The following USP18 variants were observed in gnomAD, a reference collection of about 807,000 sequenced individuals.
The protein encoded by USP18 is ubl carboxyl-terminal hydrolase 18.
A neutral mutation model predicts 48.7 loss-of-function variants in USP18; 11 were observed. The ratio of observed to expected loss-of-function variants is 0.23; its 90% CI spans 0.14 to 0.37. USP18 has a LOEUF of 0.37. Among genes scored for constraint, USP18 ranks in the 10% least tolerant of loss-of-function variants. The probability of loss-of-function intolerance (pLI) is 1.00; values close to 1 mark genes in which losing one functional copy is unlikely to be tolerated. For synonymous variants in USP18, 114 were observed against 163.2 expected, an observed-to-expected ratio of 0.70 and a Z score of 2.30; for missense variants, 285 against 436.4, an observed-to-expected ratio of 0.65 and a Z score of 3.09.
Position 18,167,319 on chromosome 22 carries a change from C to T in USP18, c.465C>T (p.Ile155=). Residue 155 remains isoleucine, a synonymous_variant, in exon 5 of 11, where the codon ATC becomes ATT. Coordinates refer to ENST00000215794, the MANE Select transcript of USP18 (RefSeq NM_017414.4). ...LKLWNLIKDQ[I]TDVHLVERLQ... Reference sequence around the variant, plus strand: ...TCTGGAACCTGATTAAGGACCAGATCACTGATGTGCACTTGGTAAGAACCT... The same window carrying T: ...TCTGGAACCTGATTAAGGACCAGATTACTGATGTGCACTTGGTAAGAACCT... 1 of 1,613,850 alleles carries T rather than the reference C, an allele frequency of 6.2e-7. No individual in the cohort carries two copies. Among genetic ancestry groups the T allele is most frequent in the African/African-American group, 1.3e-5 (1 of 75,024 alleles).
Position 18,174,228 on chromosome 22 carries a change from CTTTTCTT to C in USP18, c.1073+391_1073+397del, listed in dbSNP as rs1302757441. ...TTCTTGTATGGTTTTCTTTTCTTTT[CTTTTCTT>C]TTTTTTTTTTTGACGGAGTCTCGCT... On this transcript the variant is annotated intron_variant, in intron 10 of 10. Coordinates refer to ENST00000215794, the MANE Select transcript of USP18 (RefSeq NM_017414.4). 1.5e-3 allele frequency among the ~76,000 whole-genome samples: 213 copies of C among 142,966 alleles called. 1 individual carries two copies. The highest frequency in any genetic ancestry group is 5.7e-3 in the African/African-American group (209 of 36,732). 93.8% of individuals were successfully genotyped at this position (142,966 alleles called of 152,430 possible).
chr22:18,171,498 TAGCAC>T (rs1413557935), intron 8 of USP18, among the ~76,000 whole-genome samples: 1 of 149,690 alleles, frequency 6.7e-6, no homozygotes, highest in Non-Finnish European at 1.5e-5. Flanking sequence ...CTGGGTGTGG[TAGCAC>T]AAACCTTTAG....
intron 4 of USP18, among the ~76,000 whole-genome samples, chr22:18,166,506 CTT>C (rs1350142324): frequency 6.6e-6 from 1 of 151,786 alleles, no homozygotes; most frequent in Non-Finnish European, 1.5e-5. Flanking sequence ...GGTCTTGTCT[CTT>C]TTGTTGGAAA....
At chr22:18,173,456 G>C (rs182626411) in intron 9 of USP18, among the ~76,000 whole-genome samples, 175 bp downstream of exon 9, 270 of 152,264 alleles carry the variant, frequency 1.8e-3, no homozygotes, top group African/African-American at 6.3e-3. Context: ...CATGTGGTTT[G>C]CACCTCTGTA....
intron 1 of USP18, among the ~76,000 whole-genome samples, chr22:18,152,331 G>A (rs1049225419): frequency 6.6e-6 from 1 of 152,022 alleles, no homozygotes; most frequent in Non-Finnish European, 1.5e-5. Context: ...CTCTTCTGGG[G>A]CTTCTCTGAG....
chr22:18,175,228 C>T (rs534816784), intron 10 of USP18, among the ~76,000 whole-genome samples: 55 of 152,140 alleles, frequency 3.6e-4, no homozygotes, highest in African/African-American at 1.2e-3. Context: ...CATTAACTAC[C>T]GAGGAGAAGC....
At chr22:18,158,868 T>G (rs1368378209) in intron 2 of USP18, among the ~76,000 whole-genome samples, 3 of 152,184 alleles carry the variant, frequency 2.0e-5, no homozygotes, top group Non-Finnish European at 4.4e-5. Context: ...GATGCACATT[T>G]GGACTTAGCT....
chr22:18,157,506 A>C, intron 1 of USP18, 52 bp from the exon 2 acceptor site: 1 of 932,146 alleles, frequency 1.1e-6, no homozygotes, highest in Non-Finnish European at 1.7e-6. Flanking sequence ...GATTACATGA[A>C]TACACATTCC....
chr22:18,172,176 A>G (rs1357181325), intron 8 of USP18, among the ~76,000 whole-genome samples: 1 of 152,238 alleles, frequency 6.6e-6, no homozygotes, highest in Non-Finnish European at 1.5e-5. Flanking sequence ...AGAGTTAGAC[A>G]GTGAATCCTT....
At chr22:18,154,507 C>T (rs540741973) in intron 1 of USP18, among the ~76,000 whole-genome samples, 1 of 152,204 alleles carries the variant, frequency 6.6e-6, no homozygotes, top group African/African-American at 2.4e-5. Flanking sequence ...AGTGTAGTGG[C>T]ACAATCATAG....
rs192642069 is a variant in USP18, at chr22:18,163,369, C to T, written c.400+1434C>T. ...AGAAAAATACCTCTCCCAGGCTGGG[C>T]GCGGTGGCTCACGCCTGTAATCCCA... On this transcript the variant is annotated intron_variant, in intron 4 of 10. Coordinates refer to ENST00000215794, the MANE Select transcript of USP18 (RefSeq NM_017414.4). Among the ~76,000 whole-genome samples, 87 of 152,202 alleles carry T rather than the reference C, an allele frequency of 5.7e-4. 1 individual carries two copies. The highest frequency in any genetic ancestry group is 6.8e-3 in the Middle Eastern group (2 of 294).
chr22:18,175,833 G>A (rs1602535913), intron 10 of USP18, among the ~76,000 whole-genome samples: 1 of 150,108 alleles, frequency 6.7e-6, no homozygotes, highest in Non-Finnish European at 1.5e-5. Flanking sequence ...AATTATTATA[G>A]CTAGGCATGG....
intron 1 of USP18, among the ~76,000 whole-genome samples, chr22:18,156,347 C>T (rs577168841): frequency 1.4e-4 from 22 of 152,344 alleles, no homozygotes; most frequent in South Asian, 6.2e-4. Context: ...CTGCCCGAGC[C>T]AGCAGTGGCA....
At chr22:18,159,509 T>C (rs1929262192) in intron 2 of USP18, among the ~76,000 whole-genome samples, 1 of 151,632 alleles carries the variant, frequency 6.6e-6, no homozygotes, top group African/African-American at 2.4e-5. Flanking sequence ...CTTTTTTTTT[T>C]TTTTTGAGAC....
intron 3 of USP18, 86 bp from the exon 4 acceptor site, chr22:18,161,704 T>G (rs1435847213): frequency 4.5e-6 from 6 of 1,321,514 alleles, no homozygotes; most frequent in Non-Finnish European, 5.0e-6. Context: ...GATATGAAGA[T>G]TTAAAATTTC....
At chr22:18,155,667 T>C (rs1018659344) in intron 1 of USP18, among the ~76,000 whole-genome samples, 4 of 152,198 alleles carry the variant, frequency 2.6e-5, no homozygotes, top group African/African-American at 7.2e-5. Context: ...GGCTTAGCAC[T>C]TGGGCCAGCA....
At chr22:18,169,785 T>C in intron 6 of USP18, 59 bp from the exon 7 acceptor site, 1 of 1,538,630 alleles carries the variant, frequency 6.5e-7, no homozygotes, top group Non-Finnish European at 8.8e-7. Context: ...CAGATGAATA[T>C]AGTATTCTAG....
At chr22:18,170,538 C>T (rs1445318978) in intron 7 of USP18, among the ~76,000 whole-genome samples, 1 of 151,660 alleles carries the variant, frequency 6.6e-6, no homozygotes, top group East Asian at 1.9e-4. Flanking sequence ...AGCCCTGTGC[C>T]CTTGTGCCTC....
chr22:18,169,356 C>T (rs1329155000), intron 6 of USP18, among the ~76,000 whole-genome samples: 1 of 152,124 alleles, frequency 6.6e-6, no homozygotes, highest in African/African-American at 2.4e-5. Context: ...GGGTGGATCA[C>T]CTGAGGTCAG....
Sources: gnomAD v4.1 joint callset for allele counts (sites outside exome capture counted in the v4.1 genomes callset) on GRCh38, gnomAD v4.1.1 for gene constraint, MANE v1.5 for transcripts, NCBI Gene and HGNC (gene_info 2026-07-23, HGNC 2026-07-21) for gene names.